DYRK1A: variants seen among roughly 807,000 people sequenced by gnomAD.
DYRK1A encodes the protein dual specificity tyrosine-phosphorylation-regulated kinase 1A.
Under a neutral mutation model 79.7 loss-of-function variants are expected in DYRK1A, and 9 were observed. The observed-to-expected ratio is 0.11, with a 90% CI of 0.07 to 0.20. The LOEUF (loss-of-function observed/expected upper bound fraction) is 0.20, where lower values mean the gene tolerates loss of function less well. Among genes scored for constraint, DYRK1A ranks in the 10% least tolerant of loss-of-function variants. The probability of loss-of-function intolerance (pLI) is 1.00; values close to 1 mark genes in which losing one functional copy is unlikely to be tolerated. For synonymous variants in DYRK1A, 349 were observed against 329.7 expected (o/e 1.06, Z -0.63); for missense variants, 622 against 956.0 (o/e 0.65, Z 4.61).
chr21:37,466,077 G>A (rs1215938980), intron 2 of DYRK1A, among the ~76,000 whole-genome samples: 1 of 152,220 alleles, frequency 6.6e-6, no homozygotes, highest in African/African-American at 2.4e-5. Context: ...TTTCAGGAGG[G>A]TAGTGATAAC....
intron 6 of DYRK1A, 173 bp downstream of exon 6, chr21:37,486,787 C>A: frequency 1.9e-6 from 1 of 537,564 alleles, no homozygotes; most frequent in Non-Finnish European, 3.0e-6. Context: ...TAGTAATAGT[C>A]TAAATCTTGG....
rs752861487 is a variant in DYRK1A at position 37,511,891 on chromosome 21, T to C, written c.1645-20T>C. On this transcript the variant is annotated intron_variant, in intron 11 of 11. Coordinates refer to ENST00000647188, the MANE Select transcript of DYRK1A (RefSeq NM_001347721.2). Reference sequence around the variant, plus strand: ...GGAAACAGTCCTCTGAAAAATCCTTTTAAAAATCTGTTCTTTCAGGTGCGT... The same window carrying C: ...GGAAACAGTCCTCTGAAAAATCCTTCTAAAAATCTGTTCTTTCAGGTGCGT... 3 of 1,601,938 alleles carry C rather than the reference T, an allele frequency of 1.9e-6. No individual in the cohort carries two copies. The highest frequency in any genetic ancestry group is 1.1e-5 in the South Asian group (1 of 90,148).
intron 2 of DYRK1A, among the ~76,000 whole-genome samples, chr21:37,469,601 C>T (rs995639554): frequency 1.3e-5 from 2 of 152,104 alleles, no homozygotes; most frequent in African/African-American, 4.8e-5. Flanking sequence ...GGAAGACTTT[C>T]AATCATGGCA....
chr21:37,376,662 A>G (rs1362952262), intron 1 of DYRK1A, among the ~76,000 whole-genome samples: 2 of 151,812 alleles, frequency 1.3e-5, no homozygotes, highest in Non-Finnish European at 2.9e-5. Context: ...TCTGCCTAGG[A>G]CCCTGCGCTT....
rs2053948317 is a variant in DYRK1A, at chr21:37,523,419, C to T, written c.*10888C>T. Reference sequence around the variant, plus strand: ...AAAGAAGCTGGGAGGCTCTCCAGGACCCTGAACAAAGGTGGAAGTAGGGTT... The same window carrying T: ...AAAGAAGCTGGGAGGCTCTCCAGGATCCTGAACAAAGGTGGAAGTAGGGTT... On this transcript the variant is annotated 3_prime_UTR_variant, in exon 12 of 12. Transcript: ENST00000647188. 6.6e-6 allele frequency: 1 copy of T among 152,044 alleles called. No individual in the cohort carries two copies. 9.4% of individuals were successfully genotyped at this position (152,044 alleles called of 1,614,324 possible). A position where few individuals can be genotyped will look rare whatever the true frequency, so the allele number is the denominator to read the frequency against.
Position 37,367,577 on chromosome 21 carries a change from C to T in DYRK1A, c.-128C>T, listed in dbSNP as rs1313758224. On this transcript the variant is annotated 5_prime_UTR_variant, in exon 1 of 12. Coordinates refer to ENST00000647188, the MANE Select transcript of DYRK1A (RefSeq NM_001347721.2). Reference sequence around the variant, plus strand: ...GCGGCGGGAGCGCGGCGCGGGAGCCCGAGGCTGAGACTCACCGGAGGAAGC... The same window carrying T: ...GCGGCGGGAGCGCGGCGCGGGAGCCTGAGGCTGAGACTCACCGGAGGAAGC... 6.8e-6 allele frequency: 1 copy of T among 146,722 alleles called. No individual in the cohort carries two copies. The highest frequency in any genetic ancestry group is 1.5e-5 in the Non-Finnish European group (1 of 66,028). The allele number at this position is 146,722 out of a possible 1,614,324, so 9.1% of individuals were successfully genotyped here.
intron 2 of DYRK1A, among the ~76,000 whole-genome samples, chr21:37,469,186 G>A (rs548483005): frequency 3.9e-5 from 6 of 152,134 alleles, no homozygotes; most frequent in South Asian, 2.1e-4. Context: ...GGAGTGGAGC[G>A]TGAGAATTTT....
intron 2 of DYRK1A, among the ~76,000 whole-genome samples, chr21:37,458,868 T>C (rs948454083): frequency 2.0e-5 from 3 of 152,164 alleles, no homozygotes; most frequent in Non-Finnish European, 2.9e-5. Flanking sequence ...TCCCCTGCTC[T>C]CCTTAACTAT....
intron 2 of DYRK1A, among the ~76,000 whole-genome samples, chr21:37,453,495 G>C (rs991258053): frequency 6.6e-6 from 1 of 151,942 alleles, no homozygotes; most frequent in Non-Finnish European, 1.5e-5. Flanking sequence ...TTATGTTTAA[G>C]ACAGAGCTGG....
At chr21:37,480,939 A>T in intron 5 of DYRK1A, 113 bp downstream of exon 5, 1 of 767,912 alleles carries the variant, frequency 1.3e-6, no homozygotes, top group Admixed American at 3.2e-5. Flanking sequence ...AATAGAGCTC[A>T]GCAATGGATA....
chr21:37,443,492 ATTTC>A (rs1282000701), intron 2 of DYRK1A, among the ~76,000 whole-genome samples: 1 of 151,942 alleles, frequency 6.6e-6, no homozygotes, highest in East Asian at 1.9e-4. Flanking sequence ...GTATTTTTGT[ATTTC>A]TTCTGTAAGT....
intron 2 of DYRK1A, among the ~76,000 whole-genome samples, chr21:37,468,058 T>C (rs2052091550): frequency 6.6e-6 from 1 of 152,172 alleles, no homozygotes; most frequent in Non-Finnish European, 1.5e-5. Context: ...TGGATTTGTT[T>C]TGGTGGATTT....
rs755853912 is a variant in DYRK1A at position 37,439,826 on chromosome 21, A to G, written c.10+19442A>G. On this transcript the variant is annotated intron_variant, in intron 2 of 11. Coordinates refer to ENST00000647188, the MANE Select transcript of DYRK1A (RefSeq NM_001347721.2). ...TCAAGTATGGATGTTGGATTTGTCA[A>G]ATGTTTTTTCTGCATCTCCCGAGAT... Among the ~76,000 whole-genome samples the G allele has an allele frequency of 1.1e-4, 17 of 152,038 alleles. 1 individual carries two copies. Among genetic ancestry groups the G allele is most frequent in the Non-Finnish European group, 8.8e-5 (6 of 67,990 alleles).
At chr21:37,419,590 A>G (rs551562325) in intron 1 of DYRK1A, 26 of 152,080 alleles carry the variant, frequency 1.7e-4, no homozygotes, top group African/African-American at 5.5e-4. Context: ...TTTTCACTCA[A>G]CTCCTTTAGA....
chr21:37,423,043 CTATT>C (rs1195620195), intron 2 of DYRK1A, among the ~76,000 whole-genome samples: 1 of 152,138 alleles, frequency 6.6e-6, no homozygotes, highest in African/African-American at 2.4e-5. Flanking sequence ...GTACCAGGTA[CTATT>C]ATAGGTGCTG....
In DYRK1A at chr21:37,514,033, A is replaced by G. The variant is rs952020460; in HGVS notation, c.*1502A>G. 1.3e-5 allele frequency: 2 copies of G among 152,664 alleles called. No homozygotes were observed. The highest frequency in any genetic ancestry group is 2.9e-5 in the Non-Finnish European group (2 of 68,044). 9.5% of individuals were successfully genotyped at this position (152,664 alleles called of 1,614,324 possible). On this transcript the variant is annotated 3_prime_UTR_variant, in exon 12 of 12. Coordinates refer to ENST00000647188, the MANE Select transcript of DYRK1A (RefSeq NM_001347721.2). ...ACATAGTAGATTGACATCTAATTCA[A>G]GATTACAACATCTGTTACATTCTAA...
chr21:37,505,021 C>T (rs1262220468), intron 9 of DYRK1A: 5 of 365,450 alleles, frequency 1.4e-5, no homozygotes, highest in Non-Finnish European at 2.4e-5. Flanking sequence ...CTGTAGAAAA[C>T]CAGGCTCTGG....
intron 3 of DYRK1A, among the ~76,000 whole-genome samples, chr21:37,474,676 C>T (rs1046608763): frequency 1.3e-5 from 2 of 152,218 alleles, no homozygotes; most frequent in African/African-American, 4.8e-5. Flanking sequence ...ATACAAAGTA[C>T]CTTTTAGCTG....
At chr21:37,492,226 C>A (rs1352606045) in intron 7 of DYRK1A, among the ~76,000 whole-genome samples, 3 of 152,168 alleles carry the variant, frequency 2.0e-5, no homozygotes, top group African/African-American at 7.2e-5. Context: ...TGAGATTGTT[C>A]TCGAAGACTT....
Sources: allele counts gnomAD v4.1 joint callset (sites outside exome capture counted in the v4.1 genomes callset), GRCh38; gene constraint gnomAD v4.1.1; transcripts MANE v1.5; gene names NCBI Gene and HGNC (gene_info 2026-07-23, HGNC 2026-07-21).